SPON1: variants seen among roughly 807,000 people sequenced by gnomAD.
SPON1 encodes the protein spondin 1.
A neutral mutation model predicts 111.7 loss-of-function variants in SPON1; 52 were observed. The ratio of observed to expected loss-of-function variants is 0.47; its 90% confidence interval spans 0.37 to 0.59. The LOEUF is 0.59. SPON1 is among the 20% of genes least tolerant of loss of function. The pLI is 0.00. For synonymous variants in SPON1, 410 were observed against 395.8 expected (o/e 1.04, Z -0.43); for missense variants, 957 against 1,068.5 (o/e 0.90, Z 1.46).
intron 5 of SPON1, among the ~76,000 whole-genome samples, chr11:14,103,257 G>A (rs1419509386): frequency 6.6e-6 from 1 of 152,178 alleles, no homozygotes; most frequent in Non-Finnish European, 1.5e-5. Context: ...GATCTCCTCA[G>A]GTTCTAATCC....
chr11:14,137,691 A>G (rs1218269013), intron 6 of SPON1, among the ~76,000 whole-genome samples: 3 of 152,142 alleles, frequency 2.0e-5, no homozygotes, highest in South Asian at 2.1e-4. Context: ...AAACTTGTTG[A>G]GAATCTCAAG....
intron 2 of SPON1, among the ~76,000 whole-genome samples, chr11:14,035,131 C>G (rs7131439): frequency 0.026 from 3,966 of 152,182 alleles, 174 homozygotes; most frequent in African/African-American, 0.09. Context: ...GGAGTGGGGT[C>G]TTTTGTTGTG....
intron 6 of SPON1, among the ~76,000 whole-genome samples, chr11:14,206,997 TACAGAAACCAAAAAA>T (rs1462060096): frequency 1.3e-5 from 2 of 152,144 alleles, no homozygotes; most frequent in African/African-American, 4.8e-5. Context: ...ACTACAGGGC[TACAGAAACCAAAAAA>T]ACATGGTACT....
rs561113190 is a variant in SPON1 at position 14,153,805 on chromosome 11, A to C, written c.825+18237A>C. Among the ~76,000 whole-genome samples, 3 of 152,354 alleles carry C rather than the reference A, an allele frequency of 2.0e-5. No homozygotes were observed. The South Asian group carries it at 6.2e-4, about 32-fold the overall frequency. The stretch of plus-strand genomic sequence containing the variant: ...GCCTATGAGTGTGTAAAATAAAAAA[A>C]CAAGTTAGCTACTTCCAAGATACAA... On this transcript the variant is annotated intron_variant, in intron 6 of 15. Transcript: ENST00000576479.
chr11:14,160,524 C>T (rs868919095), intron 6 of SPON1, among the ~76,000 whole-genome samples: 98 of 3,322 alleles, frequency 0.03, 2 homozygotes, highest in South Asian at 0.056. Flanking sequence ...TATATATTTA[C>T]ATATATATAT....
intron 1 of SPON1, among the ~76,000 whole-genome samples, chr11:13,969,422 G>A (rs1848045576): frequency 6.6e-6 from 1 of 152,040 alleles, no homozygotes; most frequent in African/African-American, 2.4e-5. Flanking sequence ...GAGTGCTGGG[G>A]TGTGTATGTG....
chr11:14,203,056 C>A (rs1388816455), intron 6 of SPON1, among the ~76,000 whole-genome samples: 10 of 152,188 alleles, frequency 6.6e-5, no homozygotes, highest in African/African-American at 2.2e-4. Flanking sequence ...AATCTCCTGT[C>A]CACCCCTGCC....
intron 2 of SPON1, among the ~76,000 whole-genome samples, chr11:13,999,554 C>T (rs946907401): frequency 1.6e-4 from 25 of 151,976 alleles, no homozygotes; most frequent in African/African-American, 5.6e-4. Flanking sequence ...TACAGGCACC[C>T]GCCATCACAC....
intron 6 of SPON1, among the ~76,000 whole-genome samples, chr11:14,158,986 C>G (rs963286716): frequency 7.9e-6 from 1 of 126,056 alleles, no homozygotes; most frequent in Non-Finnish European, 1.8e-5. Flanking sequence ...TAAGTAATAT[C>G]TCTTACTTTG....
intron 6 of SPON1, among the ~76,000 whole-genome samples, chr11:14,147,847 A>G (rs1554929513): frequency 6.6e-6 from 1 of 152,076 alleles, no homozygotes; most frequent in Non-Finnish European, 1.5e-5. Context: ...AAGACCAACA[A>G]ACCAATAGAT....
At chr11:14,251,361 T>C (rs192196093) in intron 7 of SPON1, among the ~76,000 whole-genome samples, 20 of 152,314 alleles carry the variant, frequency 1.3e-4, no homozygotes, top group African/African-American at 4.6e-4. Flanking sequence ...CTAGAGGGTA[T>C]CTCGCTTCAG....
rs1442720686 is a variant in SPON1, at chr11:13,963,773, GGTCCCAGACGAGAT to G, written c.238+632_238+645del. Among the ~76,000 whole-genome samples, 3 of 152,322 alleles carry G rather than the reference GGTCCCAGACGAGAT, an allele frequency of 2.0e-5. No individual in the cohort carries two copies. The East Asian group carries it at 5.8e-4, about 29-fold the overall frequency. On this transcript the variant is annotated intron_variant, in intron 1 of 15. Transcript: ENST00000576479. ...AAAGAACCCCAAATTATTCTCTCGTGGTCCCAGACGAGATAGAGTATCTTGGGTTTCCAGAACAG... is the reference window on the plus strand; with the variant it reads ...AAAGAACCCCAAATTATTCTCTCGTGAGAGTATCTTGGGTTTCCAGAACAG...
chr11:14,167,437 G>A (rs1385588678), intron 6 of SPON1, among the ~76,000 whole-genome samples: 2 of 152,014 alleles, frequency 1.3e-5, no homozygotes, highest in African/African-American at 2.4e-5. Flanking sequence ...AATAAAGATA[G>A]CATGAGGCCA....
chr11:14,068,996 C>A (rs147418861), intron 3 of SPON1, among the ~76,000 whole-genome samples: 1 of 152,270 alleles, frequency 6.6e-6, no homozygotes, highest in Non-Finnish European at 1.5e-5. Context: ...CAAAGTGTCA[C>A]CATTGGGAGA....
chr11:14,140,892 C>G (rs1847646193), intron 6 of SPON1, among the ~76,000 whole-genome samples: 1 of 152,098 alleles, frequency 6.6e-6, no homozygotes, highest in African/African-American at 2.4e-5. Flanking sequence ...ATTGGGAGTT[C>G]CATTTCTTGG....
chr11:14,076,726 C>G (rs1554921494), intron 4 of SPON1, among the ~76,000 whole-genome samples: 1 of 152,114 alleles, frequency 6.6e-6, no homozygotes, highest in East Asian at 1.9e-4. Flanking sequence ...TGTAGATGAG[C>G]TGAGCAGAAA....
intron 5 of SPON1, among the ~76,000 whole-genome samples, chr11:14,107,590 G>T: frequency 8.4e-6 from 1 of 119,238 alleles, no homozygotes; most frequent in South Asian, 2.8e-4. Flanking sequence ...AGATCCTCAG[G>T]AAAAAAAAAA....
intron 5 of SPON1, among the ~76,000 whole-genome samples, chr11:14,121,891 T>A (rs1008222213): frequency 1.0e-5 from 1 of 99,408 alleles, no homozygotes; most frequent in African/African-American, 3.7e-5. Context: ...AGGCTGACAG[T>A]TTTTTTTTTT....
intron 2 of SPON1, among the ~76,000 whole-genome samples, chr11:14,023,633 A>G (rs1464755776): frequency 6.6e-6 from 1 of 152,204 alleles, no homozygotes; most frequent in Non-Finnish European, 1.5e-5. Flanking sequence ...TGCAGATCAC[A>G]GCCTGCCAAC....
Sources: allele counts gnomAD v4.1 joint callset (sites outside exome capture counted in the v4.1 genomes callset), GRCh38; gene constraint gnomAD v4.1.1; transcripts MANE v1.5; gene names NCBI Gene and HGNC (gene_info 2026-07-23, HGNC 2026-07-21).